Variants in COQ5 observed in about 807,000 individuals in gnomAD.
The protein encoded by COQ5 is coenzyme Q5, methyltransferase, also known as 2-methoxy-6-polyprenyl-1,4-benzoquinol methylase, mitochondrial.
COQ5 carries 27 observed loss-of-function variants against 40.5 expected under a neutral mutation model. That is an observed-to-expected ratio of 0.67 (90% CI 0.49 to 0.92). The LOEUF (loss-of-function observed/expected upper bound fraction) is 0.92. Ranked by LOEUF, COQ5 falls within the 40% of genes least tolerant of loss-of-function variation. The probability of loss-of-function intolerance (pLI) is 0.00; values close to 1 mark genes in which losing one functional copy is unlikely to be tolerated. For missense variants in COQ5, 409 were observed against 406.4 expected (o/e 1.01, Z -0.06); for synonymous variants, 141 against 150.0 (o/e 0.94, Z 0.44).
intron 2 of COQ5, among the ~76,000 whole-genome samples, chr12:120,517,084 T>C (rs1869411170): frequency 6.6e-6 from 1 of 152,144 alleles, no homozygotes; most frequent in African/African-American, 2.4e-5. Context: ...GCTGGGCTCA[T>C]GCCTGCAATC....
At chr12:120,511,707 TG>T (rs1441974932) in intron 3 of COQ5, among the ~76,000 whole-genome samples, 2 of 152,228 alleles carry the variant, frequency 1.3e-5, no homozygotes, top group East Asian at 3.8e-4. Flanking sequence ...TCAACAGCTA[TG>T]GCATATCACC....
chr12:120,520,345 A>G (rs1869586610), intron 2 of COQ5, among the ~76,000 whole-genome samples: 1 of 145,624 alleles, frequency 6.9e-6, no homozygotes, highest in Non-Finnish European at 1.5e-5. Context: ...TTTTTTTTTG[A>G]GACAGAGTCT....
At chr12:120,509,858 G>GA (rs1277339224) in intron 4 of COQ5, 159 bp downstream of exon 4, 1 of 659,856 alleles carries the variant, frequency 1.5e-6, no homozygotes. Flanking sequence ...GGCAGATGTG[G>GA]AAGGACTGCT....
At position 120,522,205 on chromosome 12, in the gene COQ5, C is replaced by T. The variant is rs150208253; in HGVS notation, c.352+9G>A. On this transcript the variant is annotated intron_variant, in intron 2 of 6. Coordinates refer to ENST00000288532, the MANE Select transcript of COQ5 (RefSeq NM_032314.4). ...CAATGGTAGTGAAGGATACCAAACT[C>T]GACATTACCTGTGCCTCCAGCAACA... 8 of 1,614,048 alleles carry T rather than the reference C, an allele frequency of 5.0e-6. No homozygotes were observed. Among genetic ancestry groups the T allele is most frequent in the East Asian group, 2.2e-5 (1 of 44,870 alleles).
intron 3 of COQ5, among the ~76,000 whole-genome samples, chr12:120,513,691 T>G (rs1196361159): frequency 6.6e-6 from 1 of 151,816 alleles, no homozygotes; most frequent in African/African-American, 2.4e-5. Context: ...GGCTAATTTT[T>G]GTATTTTTAG....
chr12:120,529,060 C>G lies in COQ5; in HGVS notation c.82G>C (p.Gly28Arg). The G allele has an allele frequency of 1.2e-6, 2 of 1,614,136 alleles. No homozygotes were observed. The highest frequency in any genetic ancestry group is 8.5e-7 in the Non-Finnish European group (1 of 1,180,028). ...SRAMRGCQLL[G>R]LRSSWPGDLL... ...TCCCCGGGCCAAGAGCTACGAAGCC[C>G]GAGGAGCTGGCAGCCCCGCATCGCC... Residue 28 changes from glycine to arginine, a missense_variant, in exon 1 of 7, where the codon GGG becomes CGG. Coordinates refer to ENST00000288532, the MANE Select transcript of COQ5 (RefSeq NM_032314.4).
At chr12:120,523,952 G>A (rs1202460415) in intron 1 of COQ5, 2 of 417,074 alleles carry the variant, frequency 4.8e-6, no homozygotes, top group Non-Finnish European at 9.7e-6. Context: ...AGAGGTTGCA[G>A]TGAGCTGAAA....
intron 3 of COQ5, among the ~76,000 whole-genome samples, chr12:120,510,627 A>G (rs1869088053): frequency 6.6e-6 from 1 of 152,188 alleles, no homozygotes; most frequent in South Asian, 2.1e-4. Flanking sequence ...GTATTCTTGA[A>G]TAAACTACTT....
intron 4 of COQ5, among the ~76,000 whole-genome samples, chr12:120,505,779 C>G (rs184837316): frequency 5.3e-5 from 8 of 152,172 alleles, no homozygotes; most frequent in Admixed American, 2.6e-4. Context: ...TTGTCTCGAA[C>G]TCCCAATATC....
intron 2 of COQ5, among the ~76,000 whole-genome samples, chr12:120,521,337 G>C (rs538107589): frequency 6.6e-6 from 1 of 152,100 alleles, no homozygotes; most frequent in African/African-American, 2.4e-5. Flanking sequence ...AAAGTGCTGG[G>C]AGTACAGGTG....
chr12:120,525,959 C>T (rs1432302108), intron 1 of COQ5, among the ~76,000 whole-genome samples: 7 of 146,190 alleles, frequency 4.8e-5, no homozygotes, highest in Non-Finnish European at 1.1e-4. Context: ...AATAAATAAG[C>T]AAATAGTCCT....
chr12:120,519,516 T>C (rs1869542822), intron 2 of COQ5, among the ~76,000 whole-genome samples: 1 of 151,694 alleles, frequency 6.6e-6, no homozygotes, highest in Non-Finnish European at 1.5e-5. Context: ...GCCGAGATCA[T>C]GCCATTGCAC....
chr12:120,507,530 C>T (rs1301970391), intron 4 of COQ5, among the ~76,000 whole-genome samples: 2 of 150,550 alleles, frequency 1.3e-5, no homozygotes, highest in African/African-American at 2.4e-5. Context: ...ATGATCCACC[C>T]GCCTCGGCCT....
At position 120,516,586 on chromosome 12, in the gene COQ5, C is replaced by G. The variant is rs1431318621; in HGVS notation, c.555G>C (p.Leu185Phe). Residue 185 changes from leucine to phenylalanine, a missense_variant, in exon 3 of 7, where the codon TTG becomes TTC. By Grantham distance (22) the Leu-to-Phe change is conservative. Coordinates refer to ENST00000288532, the MANE Select transcript of COQ5 (RefSeq NM_032314.4). The stretch of plus-strand genomic sequence containing the variant: ...ACTCACCAGCTCTGTATCCTTGAGC[C>G]AAGGCTTTCTGCTTTCCAACCTTTA... ...EMLKVGKQKA[L>F]AQGYRAGLAW... The G allele has an allele frequency of 6.2e-7, 1 of 1,614,088 alleles. No homozygotes were observed. Among genetic ancestry groups the G allele is most frequent in the East Asian group, 2.2e-5 (1 of 44,890 alleles).
At chr12:120,507,048 G>A (rs929122825) in intron 4 of COQ5, among the ~76,000 whole-genome samples, 1 of 152,066 alleles carries the variant, frequency 6.6e-6, no homozygotes, top group Non-Finnish European at 1.5e-5. Context: ...TGGCCAGGCT[G>A]GTCTCAAACT....
At chr12:120,507,387 C>G (rs536702506) in intron 4 of COQ5, among the ~76,000 whole-genome samples, 1 of 151,118 alleles carries the variant, frequency 6.6e-6, no homozygotes, top group African/African-American at 2.4e-5. Flanking sequence ...CGGGTTCAAG[C>G]GATTCTTCTC....
At chr12:120,506,805 C>G (rs1235118764) in intron 4 of COQ5, among the ~76,000 whole-genome samples, 2 of 152,108 alleles carry the variant, frequency 1.3e-5, no homozygotes, top group Non-Finnish European at 2.9e-5. Flanking sequence ...GTCTTCTGCT[C>G]AACTCATTGG....
chr12:120,526,362 A>G (rs772879953), intron 1 of COQ5: 46 of 406,220 alleles, frequency 1.1e-4, no homozygotes, highest in Non-Finnish European at 1.5e-4. Flanking sequence ...CAGTGGAGTT[A>G]TAGGAGAAAT....
At chr12:120,518,136 C>T (rs897101265) in intron 2 of COQ5, among the ~76,000 whole-genome samples, 2 of 151,850 alleles carry the variant, frequency 1.3e-5, no homozygotes, top group South Asian at 4.2e-4. Context: ...ATGCTGTTTC[C>T]GGCTGGGCTC....
Sources: gnomAD v4.1 joint callset for allele counts (sites outside exome capture counted in the v4.1 genomes callset) on GRCh38, gnomAD v4.1.1 for gene constraint, MANE v1.5 for transcripts, NCBI Gene and HGNC (gene_info 2026-07-23, HGNC 2026-07-21) for gene names.